Variants in DPP10 observed in about 807,000 individuals in gnomAD.
DPP10 encodes the protein dipeptidyl peptidase like 10.
Under a neutral mutation model 120.9 loss-of-function variants are expected in DPP10, and 33 were observed. The observed-to-expected ratio is 0.27, with a 90% CI of 0.21 to 0.37. DPP10 has a LOEUF of 0.37. DPP10 is among the 10% of genes least tolerant of loss of function. The pLI is 1.00. For synonymous variants in DPP10, 337 were observed against 326.1 expected, an observed-to-expected ratio of 1.03 and a Z score of -0.36; for missense variants, 816 against 942.8, an observed-to-expected ratio of 0.87 and a Z score of 1.76.
chr2:115,229,715 CTAT>C (rs2057638642), intron 1 of DPP10, among the ~76,000 whole-genome samples: 1 of 148,772 alleles, frequency 6.7e-6, no homozygotes, highest in African/African-American at 2.6e-5. Flanking sequence ...CTATTCTATT[CTAT>C]TCTATTCTAT....
At chr2:115,048,005 A>G (rs940998947) in intron 1 of DPP10, among the ~76,000 whole-genome samples, 2 of 152,080 alleles carry the variant, frequency 1.3e-5, no homozygotes, top group African/African-American at 4.8e-5. Flanking sequence ...TTACTCTCCA[A>G]TGATTTCTCA....
chr2:115,341,627 T>G (rs1325288168), intron 2 of DPP10, among the ~76,000 whole-genome samples: 1 of 152,218 alleles, frequency 6.6e-6, no homozygotes, highest in African/African-American at 2.4e-5. Flanking sequence ...TCGCAATTCC[T>G]AGCAACCACT....
At chr2:114,815,272 C>A (rs766550794) in intron 1 of DPP10, among the ~76,000 whole-genome samples, 3 of 152,092 alleles carry the variant, frequency 2.0e-5, no homozygotes, top group Non-Finnish European at 1.5e-5. Flanking sequence ...GTAAATAAGA[C>A]AATTAAATTC....
chr2:114,693,281 A>C (rs1298089493), intron 1 of DPP10, among the ~76,000 whole-genome samples: 1 of 151,916 alleles, frequency 6.6e-6, no homozygotes, highest in Non-Finnish European at 1.5e-5. Context: ...TGAGGGTGAC[A>C]AATTCCCTCA....
chr2:114,953,492 G>A (rs532508556), intron 1 of DPP10, among the ~76,000 whole-genome samples: 12 of 151,624 alleles, frequency 7.9e-5, no homozygotes, highest in South Asian at 4.2e-4. Flanking sequence ...GTGTGTGTGC[G>A]TGTGTGTGTG....
chr2:114,583,390 C>T (rs1690699672), intron 1 of DPP10, among the ~76,000 whole-genome samples: 1 of 152,140 alleles, frequency 6.6e-6, no homozygotes, highest in Admixed American at 6.6e-5. Context: ...TAGCTATTAT[C>T]CTTTTAAATA....
chr2:115,460,791 G>A (rs1403910867), intron 3 of DPP10, among the ~76,000 whole-genome samples: 1 of 152,282 alleles, frequency 6.6e-6, no homozygotes, highest in Non-Finnish European at 1.5e-5. Flanking sequence ...GAGTTGCTGT[G>A]TATGTTGAGC....
chr2:114,708,606 A>C (rs538351778), intron 1 of DPP10, among the ~76,000 whole-genome samples: 58 of 152,304 alleles, frequency 3.8e-4, no homozygotes, highest in African/African-American at 1.2e-3. Context: ...TTTGGTTGCA[A>C]CTGTGGCTCA....
intron 2 of DPP10, chr2:115,342,064 G>C: frequency 2.3e-6 from 1 of 432,904 alleles, no homozygotes; most frequent in South Asian, 1.7e-5. Context: ...TCTTACCCAG[G>C]AATTAGTGAG....
chr2:115,050,067 T>C (rs1482828296), intron 1 of DPP10: 2 of 152,172 alleles, frequency 1.3e-5, no homozygotes, highest in Admixed American at 1.3e-4. Flanking sequence ...AGTAGGAAAC[T>C]TGAAAATTCA....
intron 5 of DPP10, among the ~76,000 whole-genome samples, chr2:115,547,834 A>G (rs1033656341): frequency 1.3e-5 from 2 of 151,698 alleles, no homozygotes; most frequent in South Asian, 2.1e-4. Flanking sequence ...CATATTTTCT[A>G]TTTCTTTACA....
rs2076579793 is a variant in DPP10 at position 115,499,623 on chromosome 2, A to G, written c.366+19A>G. The stretch of plus-strand genomic sequence containing the variant: ...AACTTTTGTAAGTAATGAATAATTA[A>G]TTACTTTATGCATTTCAGTACTGTT... On this transcript the variant is annotated intron_variant, in intron 4 of 25. Transcript: ENST00000410059. 1 of 1,567,416 alleles carries G rather than the reference A, an allele frequency of 6.4e-7. No homozygotes were observed. The highest frequency in any genetic ancestry group is 1.1e-5 in the South Asian group (1 of 89,720).
chr2:114,990,877 T>G (rs1700717122), intron 1 of DPP10, among the ~76,000 whole-genome samples: 1 of 152,206 alleles, frequency 6.6e-6, no homozygotes, highest in Admixed American at 6.6e-5. Context: ...CTGTCTCTCT[T>G]GCTCAGGGTC....
At chr2:115,101,548 C>T (rs535942436) in intron 1 of DPP10, among the ~76,000 whole-genome samples, 9 of 152,198 alleles carry the variant, frequency 5.9e-5, no homozygotes, top group Non-Finnish European at 1.3e-4. Flanking sequence ...CTTTCTCCTA[C>T]ACCCCCTACG....
In DPP10 at chr2:114,619,693, C is replaced by G. The variant is rs188816829; in HGVS notation, c.60+176855C>G. 5.6e-4 allele frequency among the ~76,000 whole-genome samples: 85 copies of G among 152,008 alleles called. No homozygotes were observed. The East Asian group carries it at 0.014, about 25-fold the overall frequency. On this transcript the variant is annotated intron_variant, in intron 1 of 25. Transcript: ENST00000410059. ...CTCTACCACATCAGGTCTATGATCGCCAGGTAGGGCTCTATTCCAACATGC... is the reference window on the plus strand; with the variant it reads ...CTCTACCACATCAGGTCTATGATCGGCAGGTAGGGCTCTATTCCAACATGC...
chr2:114,700,245 C>G (rs1700308888), intron 1 of DPP10, among the ~76,000 whole-genome samples: 1 of 152,018 alleles, frequency 6.6e-6, no homozygotes, highest in Non-Finnish European at 1.5e-5. Flanking sequence ...ATCACCTCCC[C>G]ACACCACCCT....
intron 1 of DPP10, among the ~76,000 whole-genome samples, chr2:114,633,248 C>CTTTTTTTTTTTTTTTTTTTTTTTTTTTTT (rs35372708): frequency 4.1e-5 from 3 of 72,808 alleles, no homozygotes; most frequent in South Asian, 4.7e-4. Flanking sequence ...GTTTTTCTTT[C>CTTTTTTTTTTTTTTTTTTTTTTTTTTTTT]TTTTTTTTTT....
At chr2:114,754,137 C>T (rs13428313) in intron 1 of DPP10, among the ~76,000 whole-genome samples, 4,991 of 152,100 alleles carry the variant, frequency 0.033, 292 homozygotes, top group African/African-American at 0.11. Flanking sequence ...CATAGGAAAT[C>T]TGTGGCTTTG....
intron 1 of DPP10, among the ~76,000 whole-genome samples, chr2:114,445,534 C>CTGTGTGTGTGTGTG (rs145248880): frequency 7.0e-6 from 1 of 143,520 alleles, no homozygotes; most frequent in African/African-American, 2.6e-5. Flanking sequence ...AAAAACAGCT[C>CTGTGTGTGTGTGTG]TGTGTGTGTG....
Sources: allele counts gnomAD v4.1 joint callset (sites outside exome capture counted in the v4.1 genomes callset), GRCh38; gene constraint gnomAD v4.1.1; transcripts MANE v1.5; gene names NCBI Gene and HGNC (gene_info 2026-07-23, HGNC 2026-07-21).